The following WDR7 variants were observed in gnomAD, a reference collection of about 807,000 sequenced individuals.
WDR7 encodes WD repeat domain 7, also known as WD repeat-containing protein 7.
In WDR7, 46 loss-of-function variants were observed where a neutral mutation model predicts 169.4. That is an observed-to-expected ratio of 0.27 (90% CI 0.21 to 0.35). The LOEUF (loss-of-function observed/expected upper bound fraction) is 0.35, where lower values mean the gene tolerates loss of function less well. Among genes scored for constraint, WDR7 ranks in the 10% least tolerant of loss-of-function variants. WDR7 has a pLI of 1.00. For synonymous variants in WDR7, 612 were observed against 666.8 expected (o/e 0.92, Z 1.27); for missense variants, 1,534 against 1,859.3 (o/e 0.83, Z 3.22).
At chr18:56,694,802 T>C in intron 10 of WDR7, 42 bp downstream of exon 10, 1 of 1,564,234 alleles carries the variant, frequency 6.4e-7, no homozygotes, top group Non-Finnish European at 8.7e-7. Flanking sequence ...ATTAATTTAA[T>C]ATCTTAAATA....
At chr18:56,706,888 A>G (rs368617432) in intron 12 of WDR7, among the ~76,000 whole-genome samples, 6 of 151,736 alleles carry the variant, frequency 4.0e-5, no homozygotes, top group African/African-American at 1.5e-4. Flanking sequence ...GGGTTTCACC[A>G]TGTTGGCCAG....
chr18:56,863,805 T>G (rs1337292902), intron 20 of WDR7, among the ~76,000 whole-genome samples: 3 of 151,768 alleles, frequency 2.0e-5, no homozygotes, highest in Non-Finnish European at 4.4e-5. Flanking sequence ...ACTAAACTGG[T>G]ACTTTGTTTT....
intron 13 of WDR7, among the ~76,000 whole-genome samples, chr18:56,725,845 A>C (rs899090069): frequency 6.6e-6 from 1 of 152,216 alleles, no homozygotes; most frequent in Non-Finnish European, 1.5e-5. Flanking sequence ...GGTATAAGGA[A>C]GGGATCCAGT....
At chr18:56,955,110 G>A (rs1279141612) in intron 25 of WDR7, among the ~76,000 whole-genome samples, 3 of 152,116 alleles carry the variant, frequency 2.0e-5, no homozygotes, top group Non-Finnish European at 4.4e-5. Context: ...ACAATAATGG[G>A]ATGTAAAGTA....
intron 16 of WDR7, among the ~76,000 whole-genome samples, chr18:56,765,674 ACGTAGTTACCTTT>A (rs1163975660): frequency 1.1e-4 from 16 of 152,148 alleles, no homozygotes; most frequent in Admixed American, 8.5e-4. Context: ...ATATTTACCC[ACGTAGTTACCTTT>A]TTTGGTATTC....
intron 1 of WDR7, among the ~76,000 whole-genome samples, chr18:56,665,755 T>C (rs1185552611): frequency 6.6e-6 from 1 of 152,310 alleles, no homozygotes. Context: ...CGATACTTAC[T>C]TTCACAGTTT....
At chr18:56,671,235 C>G (rs935220500) in intron 1 of WDR7, among the ~76,000 whole-genome samples, 2 of 151,436 alleles carry the variant, frequency 1.3e-5, no homozygotes. Flanking sequence ...TCATGACCTT[C>G]AGGCATAACG....
In WDR7 at chr18:56,673,296, G is replaced by A. The variant is rs187996965; in HGVS notation, c.159+622G>A. On this transcript the variant is annotated intron_variant, in intron 2 of 27. Coordinates refer to ENST00000254442, the MANE Select transcript of WDR7 (RefSeq NM_015285.3). Reference sequence around the variant, plus strand: ...TGACAACTCTTTCCAGGAATTTGTTGTCAAAGGAAAAAGAGAAAATGGAGT... The same window carrying A: ...TGACAACTCTTTCCAGGAATTTGTTATCAAAGGAAAAAGAGAAAATGGAGT... 2.6e-5 allele frequency among the ~76,000 whole-genome samples: 4 copies of A among 152,108 alleles called. No homozygotes were observed. The East Asian group carries it at 7.7e-4, about 29-fold the overall frequency.
At chr18:56,958,262 T>G (rs2047285111) in intron 25 of WDR7, among the ~76,000 whole-genome samples, 2 of 152,164 alleles carry the variant, frequency 1.3e-5, no homozygotes, top group Admixed American at 1.3e-4. Context: ...TCCTCAATAG[T>G]TGAAGTCACA....
At chr18:56,883,149 G>A (rs753339435) in intron 21 of WDR7, among the ~76,000 whole-genome samples, 3 of 150,298 alleles carry the variant, frequency 2.0e-5, no homozygotes, top group Admixed American at 6.6e-5. Context: ...GGTGGAGCTT[G>A]CAGTGAGCCG....
intron 12 of WDR7, among the ~76,000 whole-genome samples, chr18:56,715,844 T>G (rs937605945): frequency 1.3e-5 from 2 of 152,198 alleles, no homozygotes; most frequent in African/African-American, 4.8e-5. Context: ...AATGACCACT[T>G]TTTGGCAGAT....
Position 56,816,084 on chromosome 18 carries a change from G to C in WDR7, c.3244G>C (p.Gly1082Arg). ...QTITTAPDAS[G>R]PEAKVQEEEH... ...TATCACCACGGCTCCTGATGCCTCA[G>C]GGCCTGAAGCAAAAGTCCAGGAGGA... The change falls in exon 20 of 28, where the codon GGG (glycine) becomes CGG (arginine). Residue 1082 changes from glycine (G) to arginine (R), a missense_variant. Physicochemically the swap from Gly to Arg is moderately radical, Grantham distance 125. Transcript: ENST00000254442. The C allele has an allele frequency of 6.2e-7, 1 of 1,613,810 alleles. No individual in the cohort carries two copies. Among genetic ancestry groups the C allele is most frequent in the Non-Finnish European group, 8.5e-7 (1 of 1,179,900 alleles).
intron 21 of WDR7, among the ~76,000 whole-genome samples, chr18:56,887,180 C>G (rs1357371874): frequency 6.6e-6 from 1 of 151,950 alleles, no homozygotes; most frequent in Non-Finnish European, 1.5e-5. Context: ...ACTGAAGGGC[C>G]TTAGGACTGC....
At position 56,735,239 on chromosome 18, in the gene WDR7, A is replaced by G. The variant is rs918434310; in HGVS notation, c.1989+3642A>G. Among the ~76,000 whole-genome samples the G allele has an allele frequency of 2.0e-5, 3 of 152,124 alleles. No homozygotes were observed. In the East Asian group the frequency reaches 5.8e-4, roughly 29 times the overall value. ...GTTAGGAAGCTGTTGCATAAGTTGA[A>G]TAAATAGGACTTCACTCTGGTCTTG... On this transcript the variant is annotated intron_variant, in intron 14 of 27. Coordinates refer to ENST00000254442, the MANE Select transcript of WDR7 (RefSeq NM_015285.3).
Position 56,718,302 on chromosome 18 carries a change from TC to T in WDR7, c.1774+144del, listed in dbSNP as rs1352618500. 7.1e-6 allele frequency: 6 copies of T among 843,330 alleles called. No homozygotes were observed. In the African/African-American group the frequency reaches 1.0e-4, roughly 15 times the overall value. The allele number at this position is 843,330 out of a possible 1,614,324, so 52.2% of individuals were successfully genotyped here. A position where few individuals can be genotyped will look rare whatever the true frequency, so the allele number is the denominator to read the frequency against. On this transcript the variant is annotated intron_variant, in intron 13 of 27. Transcript: ENST00000254442. ...TTTATTTCTAATTGTTTAAGTGGCC[TC>T]TTTTTTGTTCTGCTATGCCAAATGT... is the stretch of plus-strand genomic sequence containing the variant.
intron 20 of WDR7, among the ~76,000 whole-genome samples, chr18:56,851,706 GA>G (rs2045643064): frequency 1.3e-5 from 2 of 152,062 alleles, no homozygotes; most frequent in African/African-American, 4.8e-5. Flanking sequence ...GGTTATGAAT[GA>G]TTTCTCTGGA....
chr18:56,941,666 A>T (rs993329722), intron 25 of WDR7, among the ~76,000 whole-genome samples: 1 of 152,224 alleles, frequency 6.6e-6, no homozygotes, highest in African/African-American at 2.4e-5. Flanking sequence ...ATGTCATTTC[A>T]TTCAACATCA....
At position 56,928,846 on chromosome 18, in the gene WDR7, C is replaced by G. The variant is rs371472889; in HGVS notation, c.3713+4738C>G. On this transcript the variant is annotated intron_variant, in intron 22 of 27. Coordinates refer to ENST00000254442, the MANE Select transcript of WDR7 (RefSeq NM_015285.3). ...TTACTGAAAAAAATAAGATTCAAAC[C>G]CTACTCTAGCTTATTCCAAAAGCCA... 3.6e-3 allele frequency among the ~76,000 whole-genome samples: 550 copies of G among 151,880 alleles called. 2 individuals carry two copies. Among genetic ancestry groups the G allele is most frequent in the Middle Eastern group, 6.8e-3 (2 of 294 alleles).
chr18:56,675,736 C>T (rs1037652747), intron 2 of WDR7, among the ~76,000 whole-genome samples: 3 of 151,964 alleles, frequency 2.0e-5, no homozygotes, highest in African/African-American at 7.3e-5. Context: ...ACCTCCATAA[C>T]AATATTGAAT....
Sources: allele counts gnomAD v4.1 joint callset (sites outside exome capture counted in the v4.1 genomes callset), GRCh38; gene constraint gnomAD v4.1.1; transcripts MANE v1.5; gene names NCBI Gene and HGNC (gene_info 2026-07-23, HGNC 2026-07-21).